CNTNAP2: variants seen among roughly 807,000 people sequenced by gnomAD.
CNTNAP2 encodes contactin associated protein 2, also known as contactin-associated protein-like 2.
In CNTNAP2, 98 loss-of-function variants were observed where a neutral mutation model predicts 155.2. The ratio of observed to expected loss-of-function variants is 0.63; its 90% confidence interval spans 0.54 to 0.75. The LOEUF is 0.75. CNTNAP2 is among the 30% of genes least tolerant of loss of function. The pLI, the probability that CNTNAP2 is intolerant of heterozygous loss-of-function variation, is 0.00. For missense variants in CNTNAP2, 1,727 were observed against 1,688.1 expected (o/e 1.02, Z -0.40); for synonymous variants, 651 against 631.2 (o/e 1.03, Z -0.47).
intron 13 of CNTNAP2, among the ~76,000 whole-genome samples, chr7:147,653,214 A>G (rs549964005): frequency 6.6e-6 from 1 of 152,194 alleles, no homozygotes; most frequent in Non-Finnish European, 1.5e-5. Flanking sequence ...GACATAAGAT[A>G]TGGAAACGAA....
chr7:146,428,759 T>C (rs569035120), intron 1 of CNTNAP2, among the ~76,000 whole-genome samples: 21 of 152,280 alleles, frequency 1.4e-4, no homozygotes, highest in African/African-American at 5.1e-4. Flanking sequence ...CTTAATTAGA[T>C]TCCACTTGTC....
chr7:147,886,286 A>G (rs1315761257), intron 13 of CNTNAP2, among the ~76,000 whole-genome samples: 1 of 152,058 alleles, frequency 6.6e-6, no homozygotes, highest in Non-Finnish European at 1.5e-5. Flanking sequence ...CAGCCTGGCC[A>G]ACATGGTGAA....
intron 1 of CNTNAP2, among the ~76,000 whole-genome samples, chr7:146,532,810 C>T (rs979949489): frequency 1.1e-4 from 17 of 151,946 alleles, no homozygotes; most frequent in African/African-American, 2.9e-4. Flanking sequence ...ATTGGCCAGG[C>T]GTGGTGGATC....
At chr7:146,485,113 T>C (rs1797035029) in intron 1 of CNTNAP2, among the ~76,000 whole-genome samples, 1 of 152,184 alleles carries the variant, frequency 6.6e-6, no homozygotes, top group Non-Finnish European at 1.5e-5. Flanking sequence ...TTTAGGCTTT[T>C]ATGATCTTGC....
Position 147,560,168 on chromosome 7 carries a change from C to CAAAAAAAAAAAAAA in CNTNAP2, c.1778-1960_1778-1947dup, listed in dbSNP as rs71183016. 6.1e-3 allele frequency among the ~76,000 whole-genome samples: 321 copies of CAAAAAAAAAAAAAA among 52,806 alleles called. 30 individuals carry two copies. The highest frequency in any genetic ancestry group is 0.018 in the African/African-American group (260 of 14,288). The allele number at this position is 52,806 out of a possible 152,430, so 34.6% of individuals were successfully genotyped here. A position where few individuals can be genotyped will look rare whatever the true frequency, so the allele number is the denominator to read the frequency against. ...GGGCAACAAGAACGAAACTCCGTCT[C>CAAAAAAAAAAAAAA]AAAAAAAAAAAAAAAAAAAAAAATT... On this transcript the variant is annotated intron_variant, in intron 11 of 23. Transcript: ENST00000361727.
chr7:146,982,975 A>G (rs1378531004), intron 3 of CNTNAP2, among the ~76,000 whole-genome samples: 1 of 152,204 alleles, frequency 6.6e-6, no homozygotes, highest in African/African-American at 2.4e-5. Flanking sequence ...GATTTAGAAA[A>G]TATGCTGCCA....
In CNTNAP2 at chr7:148,261,638, A is replaced by G. The variant is rs896359761; in HGVS notation, c.3382-5395A>G. ...CTGGTCCGGAATTGCTGGGGGAGCG[A>G]CAGGCTGGCTGCCCTCTGGAGTGCA... On this transcript the variant is annotated intron_variant, in intron 20 of 23. Transcript: ENST00000361727. Among the ~76,000 whole-genome samples the G allele has an allele frequency of 3.9e-4, 59 of 152,142 alleles. 1 individual carries two copies. Among genetic ancestry groups the G allele is most frequent in the African/African-American group, 1.4e-3 (57 of 41,422 alleles).
chr7:146,346,919 G>A (rs1563049051), intron 1 of CNTNAP2, among the ~76,000 whole-genome samples: 1 of 151,866 alleles, frequency 6.6e-6, no homozygotes, highest in African/African-American at 2.4e-5. Context: ...TTTTTTGTTT[G>A]ATTGTTTTTT....
At chr7:147,739,996 C>G (rs1796928634) in intron 13 of CNTNAP2, among the ~76,000 whole-genome samples, 1 of 152,172 alleles carries the variant, frequency 6.6e-6, no homozygotes, top group Admixed American at 6.5e-5. Flanking sequence ...TCTCTGCCCA[C>G]AACTCCAGGT....
rs184107654 is a variant in CNTNAP2 at position 146,766,123 on chromosome 7, C to T, written c.98-8148C>T. On this transcript the variant is annotated intron_variant, in intron 1 of 23. Transcript: ENST00000361727. ...CAGTTTTAAAAAATCCATCTGGCAA[C>T]TGTGAAGAAAATGGATTGTAAGGAG... 1.6e-4 allele frequency among the ~76,000 whole-genome samples: 25 copies of T among 152,182 alleles called. No individual in the cohort carries two copies. The East Asian group carries it at 4.1e-3, about 25-fold the overall frequency.
intron 9 of CNTNAP2, among the ~76,000 whole-genome samples, chr7:147,345,087 G>A (rs1239378975): frequency 6.6e-6 from 1 of 152,030 alleles, no homozygotes; most frequent in Non-Finnish European, 1.5e-5. Context: ...TATGTGCCAT[G>A]GGTTTATGAG....
At chr7:146,448,610 G>T (rs1327874382) in intron 1 of CNTNAP2, among the ~76,000 whole-genome samples, 1 of 151,762 alleles carries the variant, frequency 6.6e-6, no homozygotes, top group Non-Finnish European at 1.5e-5. Context: ...TAATTAAGAT[G>T]CATGGAAATT....
rs147645454 is a variant in CNTNAP2, at chr7:147,353,932, A to C, written c.1499-41677A>C. Among the ~76,000 whole-genome samples the C allele has an allele frequency of 3.2e-4, 48 of 151,274 alleles. No individual in the cohort carries two copies. The East Asian group carries it at 9.3e-3, about 29-fold the overall frequency. ...TTTTTCATGTTTGTTGGTCGCAAAA[A>C]TGTCTTCCTTTGAAAAGTGTCTGTT... On this transcript the variant is annotated intron_variant, in intron 9 of 23. Transcript: ENST00000361727.
chr7:147,069,857 T>C (rs1799855645), intron 4 of CNTNAP2, among the ~76,000 whole-genome samples: 2 of 152,344 alleles, frequency 1.3e-5, no homozygotes, highest in South Asian at 4.1e-4. Context: ...GCATTCAAAA[T>C]GTGGCTATAG....
intron 2 of CNTNAP2, among the ~76,000 whole-genome samples, chr7:146,804,439 C>T (rs971006504): frequency 3.3e-5 from 5 of 151,858 alleles, no homozygotes; most frequent in Non-Finnish European, 5.9e-5. Flanking sequence ...GTGTAAAATC[C>T]AACACTTGAT....
At chr7:147,116,681 C>G (rs1252944807) in intron 5 of CNTNAP2, among the ~76,000 whole-genome samples, 1 of 151,150 alleles carries the variant, frequency 6.6e-6, no homozygotes, top group Non-Finnish European at 1.5e-5. Flanking sequence ...ACTGAATTGT[C>G]CAAACAACCC....
chr7:146,131,936 A>G (rs1389979419), intron 1 of CNTNAP2, among the ~76,000 whole-genome samples: 2 of 152,136 alleles, frequency 1.3e-5, no homozygotes, highest in Non-Finnish European at 2.9e-5. Flanking sequence ...CTCTCCTGCC[A>G]CCTTGTGAAG....
At chr7:146,860,810 A>G (rs1795084076) in intron 3 of CNTNAP2, among the ~76,000 whole-genome samples, 1 of 151,922 alleles carries the variant, frequency 6.6e-6, no homozygotes, top group Non-Finnish European at 1.5e-5. Context: ...AAATATGTAT[A>G]CCAGGGTCTT....
intron 3 of CNTNAP2, among the ~76,000 whole-genome samples, chr7:146,884,659 G>GGCCCACTGGAGC (rs1428001544): frequency 6.6e-6 from 1 of 152,068 alleles, no homozygotes; most frequent in East Asian, 1.9e-4. Context: ...GGGGCTGGAG[G>GGCCCACTGGAGC]GCCCACTGGA....
Sources: gnomAD v4.1 joint callset for allele counts (sites outside exome capture counted in the v4.1 genomes callset) on GRCh38, gnomAD v4.1.1 for gene constraint, MANE v1.5 for transcripts, NCBI Gene and HGNC (gene_info 2026-07-23, HGNC 2026-07-21) for gene names.